TPR: variants seen among roughly 807,000 people sequenced by gnomAD.
TPR encodes the protein nucleoprotein TPR.
In TPR, 51 loss-of-function variants were observed where a neutral mutation model predicts 316.1. The observed-to-expected ratio is 0.16, with a 90% confidence interval of 0.13 to 0.20. TPR has a LOEUF of 0.20. Ranked by LOEUF, TPR falls within the 10% of genes least tolerant of loss-of-function variation. TPR has a pLI of 1.00. For missense variants in TPR, 2,272 were observed against 2,754.8 expected (o/e 0.82, Z 3.92); for synonymous variants, 981 against 914.7 (o/e 1.07, Z -1.31).
chr1:186,325,165 A>C (rs1019266482), intron 42 of TPR, among the ~76,000 whole-genome samples: 4 of 152,134 alleles, frequency 2.6e-5, no homozygotes, highest in African/African-American at 9.7e-5. Context: ...CTATGTCAAC[A>C]CTAATGATTT....
In TPR at chr1:186,359,849, C is replaced by T. The variant is rs963721660; in HGVS notation, c.1339G>A (p.Ala447Thr). The change falls in exon 12 of 51, where the codon GCA becomes ACA. Residue 447 changes from alanine (A) to threonine (T), a missense_variant. Physicochemically the swap from Ala to Thr is moderately conservative, Grantham distance 58 (BLOSUM62 0). This residue lies in a region of TPR where 549 missense variants were observed against 598.6 expected (regional missense o/e 0.92). Transcript: ENST00000367478. ...GATAAACTTGCTACAGCTTTCTGTGCACGTTCATATTCCTCACGCTGGCGT... is the reference window on the plus strand; with the variant it reads ...GATAAACTTGCTACAGCTTTCTGTGTACGTTCATATTCCTCACGCTGGCGT... ...LKRQREEYER[A>T]QKAVASLSVK... 1.9e-6 allele frequency: 3 copies of T among 1,596,988 alleles called. No homozygotes were observed. The African/African-American group carries it at 4.1e-5, about 22-fold the overall frequency.
intron 4 of TPR, among the ~76,000 whole-genome samples, chr1:186,365,925 A>T (rs1207034015): frequency 6.6e-6 from 1 of 152,246 alleles, no homozygotes; most frequent in Non-Finnish European, 1.5e-5. Flanking sequence ...GAGTGCTTCC[A>T]AACCAGTGCC....
At position 186,336,528 on chromosome 1, in the gene TPR, A is replaced by G; in HGVS notation, c.4673T>C (p.Val1558Ala). 1 of 1,613,896 alleles carries G rather than the reference A, an allele frequency of 6.2e-7. No individual in the cohort carries two copies. The highest frequency in any genetic ancestry group is 8.5e-7 in the Non-Finnish European group (1 of 1,179,910). The change falls in exon 33 of 51, where the codon GTA becomes GCA. Residue 1558 changes from valine (V) to alanine (A), a missense_variant. Coordinates refer to ENST00000367478, the MANE Select transcript of TPR (RefSeq NM_003292.3). ...EKEEKTRKAI[V>A]AAKSKIAHLA... Reference sequence around the variant, plus strand: ...GTGTGCAATTTTTGACTTTGCTGCTACAATAGCCTTTCTGGTTTTTTCTTC... The same window carrying G: ...GTGTGCAATTTTTGACTTTGCTGCTGCAATAGCCTTTCTGGTTTTTTCTTC...
At position 186,334,195 on chromosome 1, in the gene TPR, T is replaced by C. The variant is rs189061248; in HGVS notation, c.5182+130A>G. The stretch of plus-strand genomic sequence containing the variant: ...GTCCTAGAAGTATGTCCTTCAAATA[T>C]TAAACACCCATTTTTACAATGACGT... On this transcript the variant is annotated intron_variant, in intron 36 of 50. Coordinates refer to ENST00000367478, the MANE Select transcript of TPR (RefSeq NM_003292.3). 9.2e-5 allele frequency: 90 copies of C among 981,378 alleles called. No individual in the cohort carries two copies. The African/African-American group carries it at 1.1e-3, about 12-fold the overall frequency. The allele number at this position is 981,378 out of a possible 1,614,324, so 60.8% of individuals were successfully genotyped here.
In TPR at chr1:186,339,730, G is replaced by A. The variant is rs751924520; in HGVS notation, c.4063C>T (p.Arg1355Trp). The A allele has an allele frequency of 1.9e-6, 3 of 1,603,070 alleles. No individual in the cohort carries two copies. Among genetic ancestry groups the A allele is most frequent in the Admixed American group, 1.7e-5 (1 of 58,680 alleles). ...QQKDPDTEEY[R>W]KLLSEKEVHT... is the part of the protein sequence containing the mutation. ...ACTTCCTTTTCAGAAAGGAGCTTCC[G>A]ATATTCTTCTGTATCTGGATCTTTC... Residue 1355 changes from arginine (R) to tryptophan (W), a missense_variant, in exon 30 of 51, where the codon CGG becomes TGG. Around this residue, in one of 10 missense-constraint regions of TPR, gnomAD observed 96 missense variants for 134.6 expected, o/e 0.71. Coordinates refer to ENST00000367478, the MANE Select transcript of TPR (RefSeq NM_003292.3).
rs1371825375 is a variant in TPR at position 186,311,902 on chromosome 1, T to C, written c.*2069A>G. ...GCTAATCTCTGTATCATTCCAGTTT[T>C]AGTATATGTGCTGCCAAACTGAGCA... On this transcript the variant is annotated 3_prime_UTR_variant, in exon 51 of 51. Coordinates refer to ENST00000367478, the MANE Select transcript of TPR (RefSeq NM_003292.3). The C allele has an allele frequency of 1.8e-6, 1 of 541,812 alleles. No individual in the cohort carries two copies. Among genetic ancestry groups the C allele is most frequent in the East Asian group, 3.2e-5 (1 of 31,382 alleles). The allele number at this position is 541,812 out of a possible 1,614,324, so 33.6% of individuals were successfully genotyped here.
intron 49 of TPR, 108 bp from the exon 50 acceptor site, chr1:186,314,832 T>A: frequency 1.7e-6 from 1 of 584,998 alleles, no homozygotes; most frequent in Non-Finnish European, 2.8e-6. Context: ...GTAGACTTGT[T>A]CATTTGATTT....
chr1:186,343,216 G>A (rs921589104), intron 27 of TPR, 110 bp downstream of exon 27: 1 of 1,375,358 alleles, frequency 7.3e-7, no homozygotes, highest in Non-Finnish European at 9.8e-7. Context: ...TACAAGTTTA[G>A]AAGAATGCTT....
Position 186,312,174 on chromosome 1 carries a change from G to A in TPR, c.*1797C>T. ...CCATGTGATATTCTAATACATAACA[G>A]GTGGCAGCATTCAGCAGTATATTTA... On this transcript the variant is annotated 3_prime_UTR_variant, in exon 51 of 51. Transcript: ENST00000367478. 6.2e-7 allele frequency: 1 copy of A among 1,613,222 alleles called. No homozygotes were observed. Among genetic ancestry groups the A allele is most frequent in the African/African-American group, 1.3e-5 (1 of 74,978 alleles).
intron 17 of TPR, among the ~76,000 whole-genome samples, chr1:186,354,222 C>T (rs984769892): frequency 6.6e-6 from 1 of 151,650 alleles, no homozygotes; most frequent in African/African-American, 2.4e-5. Context: ...ATTCTTTTTT[C>T]CCAATTCCAA....
At chr1:186,318,347 A>C (rs996604320) in intron 48 of TPR, 100 bp downstream of exon 48, 124 of 1,473,436 alleles carry the variant, frequency 8.4e-5, no homozygotes, top group Admixed American at 1.2e-4. Context: ...AACAAAAAAA[A>C]ACAAAACACA....
At chr1:186,336,719 C>T (rs767758981) in intron 32 of TPR, 25 bp from the exon 33 acceptor site, 8 of 1,597,500 alleles carry the variant, frequency 5.0e-6, no homozygotes, top group South Asian at 1.1e-5. Flanking sequence ...AAAGTATTCA[C>T]CATGGAATTC....
chr1:186,371,745 A>T, intron 2 of TPR, among the ~76,000 whole-genome samples: 1 of 152,226 alleles, frequency 6.6e-6, no homozygotes, highest in Non-Finnish European at 1.5e-5. Context: ...ACTTCTATTT[A>T]AAGAGGACCA....
Position 186,360,343 on chromosome 1 carries a change from T to C in TPR, c.1121A>G (p.Glu374Gly), listed in dbSNP as rs1659146624. The C allele has an allele frequency of 1.2e-6, 2 of 1,613,266 alleles. No individual in the cohort carries two copies. Among genetic ancestry groups the C allele is most frequent in the Non-Finnish European group, 1.7e-6 (2 of 1,179,518 alleles). The change falls in exon 11 of 51, where the codon GAG becomes GGG. Residue 374 changes from glutamate (E) to glycine (G), a missense_variant. Physicochemically the swap from Glu to Gly is moderately conservative, Grantham distance 98. Transcript: ENST00000367478. ...KRKGAILSEEELAAMSPTAAA... is the reference protein window; with the variant it reads ...KRKGAILSEEGLAAMSPTAAA... ...TGCAGTAGGAGACATGGCGGCAAGCTCTTCTTCAGACAATATGGCTCCTGT... is the reference window on the plus strand; with the variant it reads ...TGCAGTAGGAGACATGGCGGCAAGCCCTTCTTCAGACAATATGGCTCCTGT...
chr1:186,351,908 G>T lies in TPR; in HGVS notation c.2469+68C>A. ...GATAAATTTTCTAATTAAGGAAATT[G>T]AGAGGATAAAAAAAATCTAAATTTA... On this transcript the variant is annotated intron_variant, in intron 19 of 50. Coordinates refer to ENST00000367478, the MANE Select transcript of TPR (RefSeq NM_003292.3). 2.0e-6 allele frequency: 3 copies of T among 1,515,400 alleles called. No individual in the cohort carries two copies. In the South Asian group the frequency reaches 3.9e-5, roughly 20 times the overall value. The allele number at this position is 1,515,400 out of a possible 1,614,324, so 93.9% of individuals were successfully genotyped here. A position where few individuals can be genotyped will look rare whatever the true frequency, so the allele number is the denominator to read the frequency against.
intron 39 of TPR, among the ~76,000 whole-genome samples, chr1:186,328,664 AG>A (rs1391874789): frequency 1.3e-5 from 2 of 152,204 alleles, no homozygotes; most frequent in Non-Finnish European, 2.9e-5. Flanking sequence ...CTTTTTACAA[AG>A]AAAAGCACTG....
chr1:186,362,844 T>G lies in TPR; in HGVS notation c.689A>C (p.Lys230Thr). ...ACAATTTTACTAACTTACCTCTTCT[T>G]TTTTATTTTCAAGATTACATTTAAG... ...LELKCNLENK[K>T]EEVSRLEEQM... Residue 230 changes from lysine (K) to threonine (T), a missense_variant, in exon 6 of 51, where the codon AAA becomes ACA. Around this residue, in one of 10 missense-constraint regions of TPR, gnomAD observed 549 missense variants for 598.6 expected, o/e 0.92. Transcript: ENST00000367478. 2 of 1,583,416 alleles carry G rather than the reference T, an allele frequency of 1.3e-6. No homozygotes were observed. Among genetic ancestry groups the G allele is most frequent in the Non-Finnish European group, 1.7e-6 (2 of 1,171,620 alleles).
Position 186,355,534 on chromosome 1 carries a change from T to G in TPR, c.2047A>C (p.Lys683Gln). Reference sequence around the variant, plus strand: ...TTTTCATTTTCTGCTTTTTCTTTTTTGTAGTTCTCAAAAATTTCCTGCAAC... The same window carrying G: ...TTTTCATTTTCTGCTTTTTCTTTTTGGTAGTTCTCAAAAATTTCCTGCAAC... ...KQLQEIFENY[K>Q]KEKAENEKIQ... Residue 683 changes from lysine to glutamine, a missense_variant, in exon 17 of 51, where the codon AAA becomes CAA. Physicochemically the swap from Lys to Gln is moderately conservative, Grantham distance 53 (BLOSUM62 1). Around this residue, in one of 10 missense-constraint regions of TPR, gnomAD observed 757 missense variants for 859.8 expected, o/e 0.88. Coordinates refer to ENST00000367478, the MANE Select transcript of TPR (RefSeq NM_003292.3). The G allele has an allele frequency of 6.2e-7, 1 of 1,612,122 alleles. No individual in the cohort carries two copies. The highest frequency in any genetic ancestry group is 1.3e-5 in the African/African-American group (1 of 74,762).
intron 5 of TPR, 121 bp from the exon 6 acceptor site, chr1:186,363,122 G>T: frequency 8.6e-7 from 1 of 1,162,782 alleles, no homozygotes; most frequent in Non-Finnish European, 1.2e-6. Context: ...TTAAGTATTT[G>T]CATAGATTCT....
Sources: allele counts gnomAD v4.1 joint callset (sites outside exome capture counted in the v4.1 genomes callset), GRCh38; gene constraint gnomAD v4.1.1; regional missense constraint gnomAD v4.1.1; transcripts MANE v1.5; gene names NCBI Gene and HGNC (gene_info 2026-07-23, HGNC 2026-07-21).